Variants in WIPF1 observed in about 807,000 individuals in gnomAD.
WIPF1 encodes WAS/WASL-interacting protein family member 1.
WIPF1 carries 13 observed loss-of-function variants against 35.4 expected under a neutral mutation model. The observed-to-expected ratio is 0.37, with a 90% confidence interval of 0.24 to 0.58. The LOEUF is 0.58. WIPF1 is among the 20% of genes least tolerant of loss of function. The pLI is 0.74. For synonymous variants in WIPF1, 267 were observed against 266.3 expected, an observed-to-expected ratio of 1.00 and a Z score of -0.02; for missense variants, 591 against 667.0, an observed-to-expected ratio of 0.89 and a Z score of 1.25.
At chr2:174,637,771 A>G (rs899689412) in intron 1 of WIPF1, among the ~76,000 whole-genome samples, 5 of 152,250 alleles carry the variant, frequency 3.3e-5, no homozygotes, top group Non-Finnish European at 7.3e-5. Flanking sequence ...TGGGCGATGG[A>G]GCGAGACTCC....
rs377253948 is a variant in WIPF1, at chr2:174,646,585, A to T, written c.-39+36189T>A. Among the ~76,000 whole-genome samples the T allele has an allele frequency of 7.9e-5, 12 of 152,296 alleles. No homozygotes were observed. The East Asian group carries it at 1.3e-3, about 17-fold the overall frequency. On this transcript the variant is annotated intron_variant, in intron 1 of 8. Transcript: ENST00000272746. ...TTATTCTCGGGAAATCTATATTAGAATTTCTCACAAGAAAGGCAACCAGAG... is the reference window on the plus strand; with the variant it reads ...TTATTCTCGGGAAATCTATATTAGATTTTCTCACAAGAAAGGCAACCAGAG...
At chr2:174,678,760 A>G (rs561811797) in intron 1 of WIPF1, among the ~76,000 whole-genome samples, 1 of 152,372 alleles carries the variant, frequency 6.6e-6, no homozygotes, top group Non-Finnish European at 1.5e-5. Context: ...CTGTCCAGAC[A>G]ACCTCAACAG....
At chr2:174,591,059 G>C (rs1685587853) in intron 1 of WIPF1, among the ~76,000 whole-genome samples, 2 of 152,160 alleles carry the variant, frequency 1.3e-5, no homozygotes, top group South Asian at 4.1e-4. Context: ...CATTGGGTGA[G>C]ATCTTAATCC....
intron 1 of WIPF1, among the ~76,000 whole-genome samples, chr2:174,669,225 G>C (rs1574870144): frequency 6.6e-6 from 1 of 152,200 alleles, no homozygotes; most frequent in East Asian, 1.9e-4. Flanking sequence ...TACCCAGACA[G>C]TGAATCCAGA....
Position 174,587,254 on chromosome 2 carries a change from C to T in WIPF1, c.-38-1643G>A, listed in dbSNP as rs78852386. On this transcript the variant is annotated intron_variant, in intron 1 of 7. Transcript: ENST00000679041. ...CTAGTTTTGAACTCCTGGCCTCATGCGATCCTCCTGCCTTAGCCTCCCATA... is the reference window on the plus strand; with the variant it reads ...CTAGTTTTGAACTCCTGGCCTCATGTGATCCTCCTGCCTTAGCCTCCCATA... Among the ~76,000 whole-genome samples, 79 of 152,186 alleles carry T rather than the reference C, an allele frequency of 5.2e-4. 1 individual carries two copies. The East Asian group carries it at 0.014, about 27-fold the overall frequency.
intron 1 of WIPF1, among the ~76,000 whole-genome samples, chr2:174,608,136 C>T (rs1686231231): frequency 6.6e-6 from 1 of 152,134 alleles, no homozygotes; most frequent in South Asian, 2.1e-4. Flanking sequence ...GGCTGTTTGC[C>T]AGTGTCAGGA....
intron 1 of WIPF1, among the ~76,000 whole-genome samples, chr2:174,605,592 C>T (rs1686135438): frequency 6.6e-6 from 1 of 152,088 alleles, no homozygotes; most frequent in African/African-American, 2.4e-5. Flanking sequence ...GATAATGTTA[C>T]TGTGGTTATA....
At position 174,572,088 on chromosome 2, in the gene WIPF1, G is replaced by C. The variant is rs573445151; in HGVS notation, c.717C>G (p.Pro239=). 2.5e-6 allele frequency: 4 copies of C among 1,582,342 alleles called. No individual in the cohort carries two copies. Among genetic ancestry groups the C allele is most frequent in the Non-Finnish European group, 3.4e-6 (4 of 1,165,084 alleles). ...TGGAGAAGGGCGAGGAGGAGCTCAA[G>C]GGGGACTGACGTATTGAGCCTCCTC... ...ALGGGSIRQS[P]LSSSSPFSNR... Residue 239 remains proline (P), a synonymous_variant, in exon 5 of 8, where the codon CCC becomes CCG. Transcript: ENST00000679041.
intron 1 of WIPF1, among the ~76,000 whole-genome samples, chr2:174,679,530 T>A (rs550100083): frequency 2.6e-5 from 4 of 151,328 alleles, no homozygotes; most frequent in African/African-American, 9.7e-5. Context: ...GACTGGCCCA[T>A]GCTTTACCCA....
At chr2:174,658,701 G>A (rs940340186) in intron 1 of WIPF1, among the ~76,000 whole-genome samples, 1 of 152,018 alleles carries the variant, frequency 6.6e-6, no homozygotes, top group Non-Finnish European at 1.5e-5. Flanking sequence ...GCAGCTTAGA[G>A]AAAGTGCAGG....
At chr2:174,633,856 C>T (rs1004340130) in intron 1 of WIPF1, among the ~76,000 whole-genome samples, 7 of 152,112 alleles carry the variant, frequency 4.6e-5, no homozygotes, top group South Asian at 2.1e-4. Context: ...ACTCTGGTGC[C>T]GGGAAAAGGA....
chr2:174,596,656 G>A lies in WIPF1; in HGVS notation c.-39+945C>T, dbSNP rs868584612. 2.6e-5 allele frequency among the ~76,000 whole-genome samples: 4 copies of A among 152,150 alleles called. No homozygotes were observed. In the South Asian group the frequency reaches 8.3e-4, roughly 31 times the overall value. ...TAATCCCAGCACTTTGGGAGGCCGAGGCGGGCAGATCACTTGAGGTCAGGA... is the reference window on the plus strand; with the variant it reads ...TAATCCCAGCACTTTGGGAGGCCGAAGCGGGCAGATCACTTGAGGTCAGGA... On this transcript the variant is annotated intron_variant, in intron 1 of 7. Transcript: ENST00000679041.
At chr2:174,629,964 T>C (rs999965483) in intron 1 of WIPF1, 2 of 152,112 alleles carry the variant, frequency 1.3e-5, no homozygotes, top group African/African-American at 4.8e-5. Flanking sequence ...CCCAAATGAA[T>C]CTCTATGTAT....
At chr2:174,602,264 G>A (rs1686033126), upstream of WIPF1, among the ~76,000 whole-genome samples, 1 of 152,178 alleles carries the variant, frequency 6.6e-6, no homozygotes, top group Admixed American at 6.5e-5. Flanking sequence ...AATAATGTAG[G>A]TCTAGCCAGT....
At chr2:174,671,165 A>T (rs942986945) in intron 1 of WIPF1, among the ~76,000 whole-genome samples, 2 of 152,252 alleles carry the variant, frequency 1.3e-5, no homozygotes, top group South Asian at 2.1e-4. Context: ...GCAGAAGAAC[A>T]TAAGTTGTGA....
intron 1 of WIPF1, among the ~76,000 whole-genome samples, chr2:174,677,831 G>A (rs760560479): frequency 7.2e-5 from 11 of 152,146 alleles, no homozygotes; most frequent in Non-Finnish European, 1.5e-4. Flanking sequence ...CAGTTTAGCT[G>A]GAACCCAGTA....
At chr2:174,682,100 C>A (rs867018601) in intron 1 of WIPF1, among the ~76,000 whole-genome samples, 1 of 152,260 alleles carries the variant, frequency 6.6e-6, no homozygotes, top group Non-Finnish European at 1.5e-5. Context: ...GAAGCTGTCT[C>A]TGGAGAGTTC....
chr2:174,649,264 A>G (rs1240744481), intron 1 of WIPF1, among the ~76,000 whole-genome samples: 1 of 152,194 alleles, frequency 6.6e-6, no homozygotes, highest in Non-Finnish European at 1.5e-5. Flanking sequence ...ACACACACGT[A>G]TATATTTCCT....
chr2:174,589,988 G>A (rs564106650), intron 1 of WIPF1, among the ~76,000 whole-genome samples: 11 of 152,206 alleles, frequency 7.2e-5, no homozygotes, highest in Non-Finnish European at 1.3e-4. Context: ...GGGTGGTCAA[G>A]GTGGGAGGAC....
Sources: allele counts gnomAD v4.1 joint callset (sites outside exome capture counted in the v4.1 genomes callset), GRCh38; gene constraint gnomAD v4.1.1; transcripts MANE v1.5; gene names NCBI Gene and HGNC (gene_info 2026-07-23, HGNC 2026-07-21).